Variants in TRIM37 observed in about 807,000 individuals in gnomAD.
TRIM37 encodes E3 ubiquitin-protein ligase TRIM37.
Under a neutral mutation model 129.8 loss-of-function variants are expected in TRIM37, and 80 were observed. The ratio of observed to expected loss-of-function variants is 0.62; its 90% CI spans 0.51 to 0.74. The LOEUF is 0.74. Among genes scored for constraint, TRIM37 ranks in the 30% least tolerant of loss-of-function variants. TRIM37 has a pLI of 0.00. For missense variants in TRIM37, 1,054 were observed against 1,176.5 expected, an observed-to-expected ratio of 0.90 and a Z score of 1.52; for synonymous variants, 389 against 387.1, an observed-to-expected ratio of 1.00 and a Z score of -0.06.
At chr17:59,067,605 T>C (rs549608008) in intron 9 of TRIM37, among the ~76,000 whole-genome samples, 1 of 152,242 alleles carries the variant, frequency 6.6e-6, no homozygotes, top group South Asian at 2.1e-4. Context: ...AAACTCTCTA[T>C]GAACTGACAG....
chr17:59,042,750 G>A (rs1021937017), intron 16 of TRIM37, among the ~76,000 whole-genome samples: 7 of 151,726 alleles, frequency 4.6e-5, no homozygotes. Flanking sequence ...ACGACAGAGC[G>A]AGACTCTGTC....
chr17:58,980,705 G>A (rs1200253225), downstream of TRIM37: 1 of 1,614,212 alleles, frequency 6.2e-7, no homozygotes, highest in East Asian at 2.2e-5. The surrounding 1 kb of genome is among the most constrained non-coding windows in gnomAD (Gnocchi z 4.7). Context: ...CTTGTCTCCT[G>A]TCTGTTCAGG....
At chr17:59,040,670 G>A (rs1007090285) in intron 17 of TRIM37, among the ~76,000 whole-genome samples, 1 of 152,142 alleles carries the variant, frequency 6.6e-6, no homozygotes, top group Non-Finnish European at 1.5e-5. Flanking sequence ...TTAAAGTCAG[G>A]AGTAGAAAGA....
chr17:59,002,576 A>C (rs1050243207), intron 22 of TRIM37, among the ~76,000 whole-genome samples: 9 of 152,218 alleles, frequency 5.9e-5, no homozygotes, highest in African/African-American at 2.2e-4. Context: ...TATAAAAAGT[A>C]TTTGTTTCAG....
intron 8 of TRIM37, 48 bp from the exon 9 acceptor site, chr17:59,070,995 G>A: frequency 1.9e-6 from 3 of 1,605,356 alleles, no homozygotes; most frequent in African/African-American, 1.3e-5. Flanking sequence ...ACTATTCACT[G>A]CCACCTCAAA....
intron 23 of TRIM37, among the ~76,000 whole-genome samples, chr17:59,001,061 G>A (rs2033667747): frequency 6.6e-6 from 1 of 151,910 alleles, no homozygotes; most frequent in African/African-American, 2.4e-5. Flanking sequence ...CAGGCGTGGT[G>A]GTGTATACCT....
chr17:59,075,875 G>A (rs939677548), intron 7 of TRIM37, among the ~76,000 whole-genome samples, 161 bp from the exon 8 acceptor site: 2 of 152,118 alleles, frequency 1.3e-5, no homozygotes, highest in African/African-American at 4.8e-5. Context: ...TTAAGAGGCT[G>A]AATATTATAG....
downstream of TRIM37, chr17:58,980,865 G>A: frequency 1.2e-6 from 2 of 1,614,124 alleles, no homozygotes; most frequent in Non-Finnish European, 1.7e-6. This position sits in a 1 kb window ranked among gnomAD's most constrained non-coding sequence, Gnocchi z 4.7. Context: ...CACAAAATAG[G>A]CACTAGCCTG....
At chr17:59,051,624 T>C (rs1198022591) in intron 13 of TRIM37, among the ~76,000 whole-genome samples, 2 of 152,212 alleles carry the variant, frequency 1.3e-5, no homozygotes, top group East Asian at 3.9e-4. Flanking sequence ...AATACAATGA[T>C]GATCATGAGT....
intron 1 of TRIM37, 124 bp downstream of exon 1, chr17:59,106,317 T>A (rs2045986333): frequency 8.5e-7 from 1 of 1,176,346 alleles, no homozygotes; most frequent in Non-Finnish European, 1.3e-6. Flanking sequence ...GCCAGCCCTC[T>A]CCACAGCGGC....
the TRIM37 span, chr17:58,969,404 A>G: frequency 1.1e-6 from 1 of 873,114 alleles, no homozygotes; most frequent in Non-Finnish European, 1.9e-6. Flanking sequence ...TAGAGAAGGA[A>G]AACATTTAGT....
At chr17:59,058,690 T>A (rs187868121) in intron 12 of TRIM37, among the ~76,000 whole-genome samples, 2 of 151,918 alleles carry the variant, frequency 1.3e-5, no homozygotes, top group Admixed American at 1.3e-4. Flanking sequence ...AAACCCCGTC[T>A]CCATAAAAAC....
In TRIM37 at chr17:59,015,911, G is replaced by A. The variant is rs1361437755; in HGVS notation, c.2387-112C>T. On this transcript the variant is annotated intron_variant, in intron 20 of 23. Transcript: ENST00000262294. ...CAAGGATCACTTGAACCTGGGAGGC[G>A]GAGGTTGCAGTGAGCTGAGATTGTG... 70 of 980,686 alleles carry A rather than the reference G, an allele frequency of 7.1e-5. 1 individual carries two copies. Among genetic ancestry groups the A allele is most frequent in the Non-Finnish European group, 7.9e-5 (51 of 642,534 alleles). The allele number at this position is 980,686 out of a possible 1,614,324, so 60.7% of individuals were successfully genotyped here.
At position 59,106,484 on chromosome 17, in the gene TRIM37, C is replaced by G; in HGVS notation, c.-23G>C. ...CATTGCCTCCGGCTCTCGGCGGGGCCGCTGGCGACCCGCAGGCTCCGCAGT... is the reference window on the plus strand; with the variant it reads ...CATTGCCTCCGGCTCTCGGCGGGGCGGCTGGCGACCCGCAGGCTCCGCAGT... On this transcript the variant is annotated 5_prime_UTR_variant, in exon 1 of 24. Coordinates refer to ENST00000262294, the MANE Select transcript of TRIM37 (RefSeq NM_015294.6). The G allele has an allele frequency of 6.2e-7, 1 of 1,613,436 alleles. No individual in the cohort carries two copies.
chr17:59,037,573 A>C (rs1283506041), intron 17 of TRIM37, among the ~76,000 whole-genome samples: 1 of 98,518 alleles, frequency 1.0e-5, no homozygotes, highest in East Asian at 2.9e-4. Flanking sequence ...AAAAAAAAAA[A>C]AAAAAAAAAA....
At chr17:59,012,607 G>A (rs1308994206) in intron 21 of TRIM37, among the ~76,000 whole-genome samples, 161 bp from the exon 22 acceptor site, 1 of 152,178 alleles carries the variant, frequency 6.6e-6, no homozygotes, top group Non-Finnish European at 1.5e-5. Flanking sequence ...TCCTGGCACA[G>A]TGGCTTATGC....
chr17:59,010,119 G>A (rs1023220063), intron 22 of TRIM37, among the ~76,000 whole-genome samples: 1 of 152,088 alleles, frequency 6.6e-6, no homozygotes, highest in African/African-American at 2.4e-5. Flanking sequence ...AATAACTGTG[G>A]CCCACTCTGG....
At chr17:58,980,495 A>G (rs2031291473), downstream of TRIM37, 1 of 1,614,234 alleles carries the variant, frequency 6.2e-7, no homozygotes, top group Non-Finnish European at 8.5e-7. This position sits in a 1 kb window ranked among gnomAD's most constrained non-coding sequence, Gnocchi z 4.7. Flanking sequence ...AATAGAAGCA[A>G]GCAAACCTCA....
chr17:58,971,720 G>A, the TRIM37 span, among the ~76,000 whole-genome samples: 1 of 152,184 alleles, frequency 6.6e-6, no homozygotes. Flanking sequence ...TACGATGTCA[G>A]TAATGAAATG....
Sources: gnomAD v4.1 joint callset for allele counts (sites outside exome capture counted in the v4.1 genomes callset) on GRCh38, gnomAD v4.1.1 for gene constraint, Gnocchi (gnomAD v3.1) non-coding constraint, MANE v1.5 for transcripts, NCBI Gene and HGNC (gene_info 2026-07-23, HGNC 2026-07-21) for gene names.